Variants in CBY2 observed in about 807,000 individuals in gnomAD.
The protein encoded by CBY2 is protein chibby homolog 2.
In CBY2, 23 loss-of-function variants were observed where a neutral mutation model predicts 25.3. That is an observed-to-expected ratio of 0.91 (90% CI 0.65 to 1.29). The LOEUF (loss-of-function observed/expected upper bound fraction) is 1.29. Among genes scored for constraint, CBY2 ranks in the 50% most tolerant of loss-of-function variants. CBY2 has a pLI of 0.00. For synonymous variants in CBY2, 279 were observed against 260.2 expected, an observed-to-expected ratio of 1.07 and a Z score of -0.70; for missense variants, 642 against 590.7, an observed-to-expected ratio of 1.09 and a Z score of -0.90.
intron 1 of CBY2, 32 bp downstream of exon 1, chr13:45,702,497 A>C: frequency 6.3e-7 from 1 of 1,581,968 alleles, no homozygotes; most frequent in Non-Finnish European, 8.7e-7. Flanking sequence ...AGAAATAATC[A>C]TCTTAGACAG....
Position 45,714,118 on chromosome 13 carries a change from G to C in CBY2, c.1093G>C (p.Ala365Pro). The change falls in exon 3 of 3, where the codon GCG becomes CCG. Residue 365 changes from alanine (A) to proline (P), a missense_variant. By Grantham distance (27) the Ala-to-Pro change is conservative (BLOSUM62 -1). Coordinates refer to ENST00000310521, the MANE Select transcript of CBY2 (RefSeq NM_152719.3). ...PLQLLREMRQ[A>P]LQALLKENRL... ...GCAGCTGCTGAGAGAGATGAGGCAG[G>C]CGCTGCAGGCCCTGCTCAAGGAGAA... 1 of 1,570,172 alleles carries C rather than the reference G, an allele frequency of 6.4e-7. No individual in the cohort carries two copies. Among genetic ancestry groups the C allele is most frequent in the Non-Finnish European group, 8.6e-7 (1 of 1,156,464 alleles).
At chr13:45,712,877 G>A (rs940568620) in intron 2 of CBY2, among the ~76,000 whole-genome samples, 5 of 152,198 alleles carry the variant, frequency 3.3e-5, no homozygotes, top group African/African-American at 1.2e-4. Context: ...ATGAGGTTAT[G>A]TATTGCTTGG....
chr13:45,705,222 T>C (rs1012305649), intron 2 of CBY2, among the ~76,000 whole-genome samples: 1 of 152,230 alleles, frequency 6.6e-6, no homozygotes, highest in Admixed American at 6.5e-5. Context: ...GCCATCAGTG[T>C]CATTTCCAGC....
At chr13:45,710,001 T>C (rs1242511439) in intron 2 of CBY2, among the ~76,000 whole-genome samples, 4 of 152,206 alleles carry the variant, frequency 2.6e-5, no homozygotes, top group African/African-American at 7.2e-5. Context: ...ATAGTAATAA[T>C]ATCTTACATG....
At chr13:45,710,517 C>T (rs1397089004) in intron 2 of CBY2, among the ~76,000 whole-genome samples, 9 of 152,186 alleles carry the variant, frequency 5.9e-5, no homozygotes, top group East Asian at 3.9e-4. Flanking sequence ...AGTGAGACTC[C>T]GTCTCAAAAC....
intron 2 of CBY2, chr13:45,703,735 TA>T: frequency 1.5e-6 from 1 of 667,504 alleles, no homozygotes; most frequent in Non-Finnish European, 2.6e-6. Flanking sequence ...CCTGGATGTT[TA>T]TTTTCACATT....
At chr13:45,707,483 T>C (rs12427633) in intron 2 of CBY2, among the ~76,000 whole-genome samples, 3,265 of 152,340 alleles carry the variant, frequency 0.021, 75 homozygotes, top group Middle Eastern at 0.078. Flanking sequence ...CAGTTTCTTA[T>C]GGTTCAACCT....
intron 2 of CBY2, chr13:45,703,471 C>A: frequency 6.5e-7 from 1 of 1,547,954 alleles, no homozygotes; most frequent in East Asian, 2.4e-5. Context: ...ATTGTTTCTA[C>A]TGCTGCTATG....
rs1950279511 is a variant in CBY2, at chr13:45,713,013, A to G, written c.157-169A>G. On this transcript the variant is annotated intron_variant, in intron 2 of 2. Coordinates refer to ENST00000310521, the MANE Select transcript of CBY2 (RefSeq NM_152719.3). This position sits in a 1 kb window ranked among gnomAD's most constrained non-coding sequence, Gnocchi z 5.0. ...TAGAACAGAACTCACTGGAATGACA[A>G]GGATAGGCCACATTTCCTTGTGAGG... is the stretch of plus-strand genomic sequence containing the variant. 6.6e-6 allele frequency among the ~76,000 whole-genome samples: 1 copy of G among 152,210 alleles called. No individual in the cohort carries two copies. Among genetic ancestry groups the G allele is most frequent in the Admixed American group, 6.5e-5 (1 of 15,280 alleles).
chr13:45,709,502 T>C (rs1950257466), intron 2 of CBY2, among the ~76,000 whole-genome samples: 1 of 152,198 alleles, frequency 6.6e-6, no homozygotes. Flanking sequence ...TTGGGGAAAT[T>C]TGAACATGGG....
At chr13:45,703,494 G>T in intron 2 of CBY2, 1 of 1,550,172 alleles carries the variant, frequency 6.5e-7, no homozygotes, top group East Asian at 2.4e-5. Context: ...ACAAAGGGGT[G>T]GCTTTGCTTT....
chr13:45,703,425 A>C lies in CBY2; in HGVS notation c.156+570A>C, dbSNP rs538812202. The C allele has an allele frequency of 2.2e-5, 34 of 1,512,136 alleles. No homozygotes were observed. In the East Asian group the frequency reaches 7.4e-4, roughly 33 times the overall value. The allele number at this position is 1,512,136 out of a possible 1,614,324, so 93.7% of individuals were successfully genotyped here. A position where few individuals can be genotyped will look rare whatever the true frequency, so the allele number is the denominator to read the frequency against. On this transcript the variant is annotated intron_variant, in intron 2 of 2. Transcript: ENST00000310521. ...GAGTCTCAGGTCTCCTCCTGCCTGC[A>C]ATCAGCTGTTTCCTTAGTGGAGTCC... is the stretch of plus-strand genomic sequence containing the variant.
intron 2 of CBY2, among the ~76,000 whole-genome samples, chr13:45,709,491 A>G (rs555395500): frequency 1.3e-5 from 2 of 152,164 alleles, no homozygotes; most frequent in Admixed American, 1.3e-4. Flanking sequence ...AGAAATGAGA[A>G]TTGGGGAAAT....
In CBY2 at chr13:45,713,397, C is replaced by A. The variant is rs1157426653; in HGVS notation, c.372C>A (p.Ser124Arg). The change falls in exon 3 of 3, where the codon AGC becomes AGA. Residue 124 changes from serine to arginine, a missense_variant. By Grantham distance (110) the Ser-to-Arg change is moderately radical (BLOSUM62 -1). Transcript: ENST00000310521. This position sits in a 1 kb window ranked among gnomAD's most constrained non-coding sequence, Gnocchi z 5.0. ...LDYNPPRVQL[S>R]DEMFVFQDGR... The stretch of plus-strand genomic sequence containing the variant: ...ACAACCCGCCGCGGGTGCAGCTCAG[C>A]GACGAGATGTTCGTGTTCCAGGACG... 6.2e-7 allele frequency: 1 copy of A among 1,614,176 alleles called. No homozygotes were observed. The highest frequency in any genetic ancestry group is 8.5e-7 in the Non-Finnish European group (1 of 1,180,028).
chr13:45,711,143 CA>C (rs1950268253), intron 2 of CBY2, among the ~76,000 whole-genome samples: 1 of 152,172 alleles, frequency 6.6e-6, no homozygotes, highest in African/African-American at 2.4e-5. Context: ...CTGCAATCAT[CA>C]CCTCTTCTCT....
At chr13:45,703,694 C>T (rs1022264978) in intron 2 of CBY2, 18 of 954,516 alleles carry the variant, frequency 1.9e-5, no homozygotes, top group East Asian at 5.4e-5. Context: ...GTATGTTCAG[C>T]GGGAGGCAAA....
intron 2 of CBY2, among the ~76,000 whole-genome samples, chr13:45,711,400 T>C (rs1475955338): frequency 6.6e-6 from 1 of 152,224 alleles, no homozygotes; most frequent in Admixed American, 6.5e-5. Context: ...TTTAAGATCA[T>C]GGAGCCCGAC....
At position 45,713,868 on chromosome 13, in the gene CBY2, C is replaced by A; in HGVS notation, c.843C>A (p.Ser281Arg). The A allele has an allele frequency of 6.6e-7, 1 of 1,519,384 alleles. No homozygotes were observed. Among genetic ancestry groups the A allele is most frequent in the Non-Finnish European group, 8.8e-7 (1 of 1,136,670 alleles). The allele number at this position is 1,519,384 out of a possible 1,614,324, so 94.1% of individuals were successfully genotyped here. The change falls in exon 3 of 3, where the codon AGC becomes AGA. Residue 281 changes from serine to arginine, a missense_variant. Transcript: ENST00000310521. The surrounding 1 kb of genome is among the most constrained non-coding windows in gnomAD (Gnocchi z 5.0). ...ACACGGCCGCCCCTGCCGAGGAAAG[C>A]AAGCCCGCCCCCTCACCCCACGAGG... ...AEDTAAPAEESKPAPSPHEEP... is the reference protein window; with the variant it reads ...AEDTAAPAEERKPAPSPHEEP...
intron 2 of CBY2, among the ~76,000 whole-genome samples, chr13:45,707,918 TG>T (rs1449545565): frequency 6.6e-6 from 1 of 152,166 alleles, no homozygotes. Context: ...AGTCACTCAG[TG>T]TTATTTTTTT....
Sources: gnomAD v4.1 joint callset for allele counts (sites outside exome capture counted in the v4.1 genomes callset) on GRCh38, gnomAD v4.1.1 for gene constraint, Gnocchi (gnomAD v3.1) non-coding constraint, MANE v1.5 for transcripts, NCBI Gene and HGNC (gene_info 2026-07-23, HGNC 2026-07-21) for gene names.